PCDHGA3: variants seen among roughly 807,000 people sequenced by gnomAD.
The protein encoded by PCDHGA3 is protocadherin gamma subfamily A, 3, also known as protocadherin gamma-A3.
A neutral mutation model predicts 58.5 loss-of-function variants in PCDHGA3; 40 were observed. That is an observed-to-expected ratio of 0.68 (90% CI 0.53 to 0.89). PCDHGA3 has a LOEUF of 0.89. PCDHGA3 is among the 40% of genes least tolerant of loss of function. The pLI, the probability that PCDHGA3 is intolerant of heterozygous loss-of-function variation, is 0.00. For synonymous variants in PCDHGA3, 530 were observed against 525.7 expected (o/e 1.01, Z -0.11); for missense variants, 1,223 against 1,195.9 (o/e 1.02, Z -0.33).
intron 3 of PCDHGA3, 88 bp from the exon 4 acceptor site, chr5:141,510,859 A>G: frequency 6.2e-7 from 1 of 1,606,096 alleles, no homozygotes; most frequent in Non-Finnish European, 8.5e-7. Context: ...GGTGCTGTAT[A>G]GGCATTCATT....
intron 1 of PCDHGA3, among the ~76,000 whole-genome samples, chr5:141,449,440 C>T (rs2098639026): frequency 6.6e-6 from 1 of 151,742 alleles, no homozygotes; most frequent in Admixed American, 6.6e-5. Flanking sequence ...AACTCCATCT[C>T]TACTAAAAAT....
chr5:141,371,638 T>A, intron 1 of PCDHGA3: 1 of 1,613,996 alleles, frequency 6.2e-7, no homozygotes, highest in Non-Finnish European at 8.5e-7. Context: ...CGGGAGCAGA[T>A]CCCAGAATAC....
chr5:141,472,254 T>C (rs1031738513), intron 1 of PCDHGA3, among the ~76,000 whole-genome samples: 1 of 152,074 alleles, frequency 6.6e-6, no homozygotes, highest in Admixed American at 6.6e-5. Context: ...TTTAAAGTTA[T>C]ATTATAGCCG....
In PCDHGA3 at chr5:141,487,186, A is replaced by G; in HGVS notation, c.2425-7621A>G. 4 of 1,613,760 alleles carry G rather than the reference A, an allele frequency of 2.5e-6. No individual in the cohort carries two copies. The highest frequency in any genetic ancestry group is 2.5e-6 in the Non-Finnish European group (3 of 1,179,662). ...TGTCCTTAGAGGAAGACACTCATCC[A>G]GTTGTCCCAGATCTTCGAGAATCTT... is the stretch of plus-strand genomic sequence containing the variant. On this transcript the variant is annotated intron_variant, in intron 1 of 3. Coordinates refer to ENST00000253812, the MANE Select transcript of PCDHGA3 (RefSeq NM_018916.4). This position sits in a 1 kb window ranked among gnomAD's most constrained non-coding sequence, Gnocchi z 5.0.
intron 1 of PCDHGA3, among the ~76,000 whole-genome samples, chr5:141,380,299 C>T (rs1776363020): frequency 6.6e-6 from 1 of 152,092 alleles, no homozygotes; most frequent in Non-Finnish European, 1.5e-5. Context: ...ATACCTATAT[C>T]TTTGCTTGAG....
intron 1 of PCDHGA3, chr5:141,387,800 T>G: frequency 4.6e-6 from 7 of 1,509,374 alleles, no homozygotes; most frequent in Non-Finnish European, 6.2e-6. Context: ...TAAAGTCCGT[T>G]CGGAGATCCA....
intron 1 of PCDHGA3, chr5:141,419,724 G>A (rs200134846): frequency 1.9e-4 from 301 of 1,613,488 alleles, no homozygotes; most frequent in South Asian, 1.2e-3. Context: ...CTGGGGCTGC[G>A]AACAGGCGAG....
intron 1 of PCDHGA3, chr5:141,371,904 T>C: frequency 2.5e-6 from 4 of 1,613,398 alleles, no homozygotes; most frequent in Non-Finnish European, 3.4e-6. Flanking sequence ...GCTGTCGTCC[T>C]ACGTGTCCGT....
rs367578838 is a variant in PCDHGA3, at chr5:141,432,537, C to A, written c.2425-62270C>A. The A allele has an allele frequency of 5.0e-6, 8 of 1,613,882 alleles. No individual in the cohort carries two copies. Among genetic ancestry groups the A allele is most frequent in the African/African-American group, 1.3e-5 (1 of 74,922 alleles). Reference sequence around the variant, plus strand: ...GGCTACCTGGTGACCAAGGTGGTGGCGGTGGACAGAGACTCCGGCCAGAAC... The same window carrying A: ...GGCTACCTGGTGACCAAGGTGGTGGAGGTGGACAGAGACTCCGGCCAGAAC... On this transcript the variant is annotated intron_variant, in intron 1 of 3. Coordinates refer to ENST00000253812, the MANE Select transcript of PCDHGA3 (RefSeq NM_018916.4). This position sits in a 1 kb window ranked among gnomAD's most constrained non-coding sequence, Gnocchi z 6.0.
At chr5:141,393,435 C>T in intron 1 of PCDHGA3, 1 of 1,614,014 alleles carries the variant, frequency 6.2e-7, no homozygotes. Context: ...AGAGGCTGCT[C>T]ACCACCTGGT....
At chr5:141,419,977 G>A (rs962684463) in intron 1 of PCDHGA3, 1 of 1,614,066 alleles carries the variant, frequency 6.2e-7, no homozygotes, top group Non-Finnish European at 8.5e-7. Context: ...TTCTCCTCGC[G>A]GTGATTCTAG....
intron 1 of PCDHGA3, among the ~76,000 whole-genome samples, chr5:141,435,445 C>T (rs190910353): frequency 3.9e-5 from 6 of 152,224 alleles, no homozygotes; most frequent in Middle Eastern, 3.4e-3. Flanking sequence ...TTCATTAATA[C>T]GATATCTGTA....
At chr5:141,369,327 T>G (rs1766164391) in intron 1 of PCDHGA3, among the ~76,000 whole-genome samples, 1 of 152,160 alleles carries the variant, frequency 6.6e-6, no homozygotes, top group African/African-American at 2.4e-5. Context: ...GAAGAAACAG[T>G]ACATTTCAGG....
intron 3 of PCDHGA3, among the ~76,000 whole-genome samples, chr5:141,508,579 G>A (rs569867127): frequency 6.6e-6 from 1 of 152,234 alleles, no homozygotes; most frequent in East Asian, 1.9e-4. Flanking sequence ...ACCCACTCGG[G>A]GTGCTACTCA....
rs755489329 is a variant in PCDHGA3, at chr5:141,346,142, C to A, written c.2109C>A (p.Val703=). 6.2e-7 allele frequency: 1 copy of A among 1,614,010 alleles called. No homozygotes were observed. The highest frequency in any genetic ancestry group is 8.5e-7 in the Non-Finnish European group (1 of 1,179,938). ...LVVAVAAVSC[V]FLAFVIVLLA... is the part of the protein sequence containing the mutation. ...TGGCGGTGGCCGCGGTCTCCTGCGT[C>A]TTCCTGGCCTTCGTCATCGTGCTGC... The change falls in exon 1 of 4, where the codon GTC becomes GTA. Residue 703 remains valine, a synonymous_variant. Transcript: ENST00000253812.
At chr5:141,423,448 T>A (rs780751840) in intron 1 of PCDHGA3, 1 of 1,613,992 alleles carries the variant, frequency 6.2e-7, no homozygotes, top group East Asian at 2.2e-5. Context: ...CACGTCACAT[T>A]TTGTAGGCGT....
At chr5:141,360,409 C>G (rs890064560) in intron 1 of PCDHGA3, 6 of 1,613,722 alleles carry the variant, frequency 3.7e-6, no homozygotes, top group African/African-American at 1.3e-5. Context: ...CAGAATAGAC[C>G]GAGAACAGAT....
At chr5:141,447,696 G>A (rs1273958794) in intron 1 of PCDHGA3, among the ~76,000 whole-genome samples, 1 of 152,096 alleles carries the variant, frequency 6.6e-6, no homozygotes, top group Non-Finnish European at 1.5e-5. Context: ...TAGAGGGATG[G>A]GTTATAAGGA....
chr5:141,350,805 G>A (rs572789275), intron 1 of PCDHGA3: 2 of 1,614,018 alleles, frequency 1.2e-6, no homozygotes, highest in African/African-American at 1.3e-5. Flanking sequence ...ACGAAGGAAA[G>A]TCCTGATGGA....
Sources: allele counts gnomAD v4.1 joint callset (sites outside exome capture counted in the v4.1 genomes callset), GRCh38; gene constraint gnomAD v4.1.1; non-coding constraint Gnocchi (gnomAD v3.1); transcripts MANE v1.5; gene names NCBI Gene and HGNC (gene_info 2026-07-23, HGNC 2026-07-21).